DNM3: variants seen among roughly 807,000 people sequenced by gnomAD.
DNM3 encodes the protein dynamin-3.
Under a neutral mutation model 101.6 loss-of-function variants are expected in DNM3, and 47 were observed. The observed-to-expected ratio is 0.46, with a 90% CI of 0.37 to 0.59. DNM3 has a LOEUF of 0.59. Among genes scored for constraint, DNM3 ranks in the 20% least tolerant of loss-of-function variants. The pLI, the probability that DNM3 is intolerant of heterozygous loss-of-function variation, is 0.00. For synonymous variants in DNM3, 385 were observed against 387.9 expected (o/e 0.99, Z 0.09); for missense variants, 849 against 1,085.7 (o/e 0.78, Z 3.06).
At chr1:172,362,227 T>C (rs1243873919) in intron 17 of DNM3, among the ~76,000 whole-genome samples, 1 of 151,960 alleles carries the variant, frequency 6.6e-6, no homozygotes, top group Non-Finnish European at 1.5e-5. Context: ...GAAGACCTAT[T>C]AGAAAGCAAT....
At chr1:171,894,682 C>T (rs2037611696) in intron 1 of DNM3, among the ~76,000 whole-genome samples, 1 of 152,136 alleles carries the variant, frequency 6.6e-6, no homozygotes, top group African/African-American at 2.4e-5. Flanking sequence ...GTTTGTTGCA[C>T]CCATCAACTC....
intron 15 of DNM3, among the ~76,000 whole-genome samples, chr1:172,270,302 A>G (rs766745030): frequency 7.2e-5 from 11 of 151,960 alleles, no homozygotes; most frequent in East Asian, 1.9e-4. Context: ...ACTTGTAACT[A>G]TAATGCTAAA....
intron 15 of DNM3, among the ~76,000 whole-genome samples, chr1:172,298,876 AAAGAC>A (rs2064295537): frequency 1.4e-5 from 2 of 144,778 alleles, no homozygotes; most frequent in Non-Finnish European, 3.1e-5. Flanking sequence ...AGAGAGAGAG[AAAGAC>A]AGAGAAAGAA....
intron 11 of DNM3, among the ~76,000 whole-genome samples, chr1:172,077,826 C>T (rs967764137): frequency 1.3e-5 from 2 of 152,128 alleles, no homozygotes; most frequent in South Asian, 4.1e-4. Flanking sequence ...CTGCTTGGTG[C>T]AGAGCTGAGT....
intron 14 of DNM3, among the ~76,000 whole-genome samples, chr1:172,183,963 A>G (rs1278777832): frequency 1.3e-5 from 2 of 150,944 alleles, no homozygotes; most frequent in Non-Finnish European, 3.0e-5. Context: ...TTAATATTCT[A>G]GTACTCAAAA....
At chr1:172,366,407 A>G (rs1341309318) in intron 17 of DNM3, 2 of 151,796 alleles carry the variant, frequency 1.3e-5, no homozygotes, top group Admixed American at 1.3e-4. Flanking sequence ...TTATTAGCAA[A>G]TTTATCTGAT....
intron 14 of DNM3, among the ~76,000 whole-genome samples, chr1:172,207,943 A>G (rs561041468): frequency 6.6e-6 from 1 of 152,202 alleles, no homozygotes; most frequent in Admixed American, 6.6e-5. Context: ...TTTAAGTGTA[A>G]TATTTCTTTT....
intron 4 of DNM3, among the ~76,000 whole-genome samples, chr1:172,009,144 ATAT>A (rs2046947670): frequency 7.2e-6 from 1 of 138,536 alleles, no homozygotes; most frequent in African/African-American, 2.7e-5. Flanking sequence ...TATATTATAT[ATAT>A]TATATGATAT....
chr1:172,193,129 G>A (rs1053290239), intron 14 of DNM3, among the ~76,000 whole-genome samples: 6 of 152,002 alleles, frequency 3.9e-5, no homozygotes, highest in African/African-American at 1.4e-4. Context: ...GATGGCCAGT[G>A]ATGATGAGCA....
chr1:172,330,981 C>T (rs2066157084), intron 17 of DNM3, among the ~76,000 whole-genome samples: 1 of 152,036 alleles, frequency 6.6e-6, no homozygotes, highest in South Asian at 2.1e-4. Flanking sequence ...ACCTCTTTTC[C>T]GTTTACTCTG....
At chr1:172,335,521 TAGAA>T (rs1026373331) in intron 17 of DNM3, among the ~76,000 whole-genome samples, 1 of 152,104 alleles carries the variant, frequency 6.6e-6, no homozygotes, top group Non-Finnish European at 1.5e-5. Context: ...TATTCACAAA[TAGAA>T]AGAAGATATG....
intron 20 of DNM3, among the ~76,000 whole-genome samples, chr1:172,402,897 A>T (rs1345039236): frequency 2.0e-5 from 3 of 152,218 alleles, no homozygotes; most frequent in Non-Finnish European, 4.4e-5. Context: ...AAGTAAATTG[A>T]ATTGCTAATA....
rs954117133 is a variant in DNM3 at position 172,036,490 on chromosome 1, G to T, written c.850-1829G>T. On this transcript the variant is annotated intron_variant, in intron 6 of 20. Coordinates refer to ENST00000627582, the MANE Select transcript of DNM3 (RefSeq NM_015569.5). Reference sequence around the variant, plus strand: ...GAACAGAGCCCTCAGAAATAACGCCGCATATCTACAACTGTCTGATCTTTG... The same window carrying T: ...GAACAGAGCCCTCAGAAATAACGCCTCATATCTACAACTGTCTGATCTTTG... 5.9e-5 allele frequency among the ~76,000 whole-genome samples: 9 copies of T among 151,926 alleles called. No homozygotes were observed. The East Asian group carries it at 1.7e-3, about 30-fold the overall frequency.
At chr1:172,005,547 G>A (rs930957595) in intron 4 of DNM3, among the ~76,000 whole-genome samples, 5 of 151,936 alleles carry the variant, frequency 3.3e-5, no homozygotes, top group African/African-American at 1.2e-4. Context: ...CTTGCACATT[G>A]ATGGGTTATA....
Position 172,149,465 on chromosome 1 carries a change from G to A in DNM3, c.1659+18177G>A, listed in dbSNP as rs149802276. Among the ~76,000 whole-genome samples the A allele has an allele frequency of 9.1e-3, 1,393 of 152,266 alleles. 27 individuals are homozygous for A. Among genetic ancestry groups the A allele is most frequent in the African/African-American group, 0.03 (1,261 of 41,566 alleles). ...TCTTGAAATCTTTAGGGGAAGGCAA[G>A]TTAAAGGGATTAGAAAATTGTTGCT... On this transcript the variant is annotated intron_variant, in intron 14 of 20. Transcript: ENST00000627582.
Position 171,902,560 on chromosome 1 carries a change from G to A in DNM3, c.162-19188G>A, listed in dbSNP as rs149219059. Among the ~76,000 whole-genome samples the A allele has an allele frequency of 1.9e-3, 287 of 152,264 alleles. 1 individual carries two copies. Among genetic ancestry groups the A allele is most frequent in the Admixed American group, 3.1e-3 (47 of 15,302 alleles). ...TGACTCTACAGAAATGTGTTGAGGA[G>A]TGATAATCTTTGCCAAAAGGAGGGA... On this transcript the variant is annotated intron_variant, in intron 1 of 20. Coordinates refer to ENST00000627582, the MANE Select transcript of DNM3 (RefSeq NM_015569.5).
At chr1:172,073,669 G>A (rs570149060) in intron 11 of DNM3, among the ~76,000 whole-genome samples, 75 of 152,238 alleles carry the variant, frequency 4.9e-4, no homozygotes, top group African/African-American at 1.7e-3. Flanking sequence ...TTCAATGAAG[G>A]GAGGCAGCAA....
intron 14 of DNM3, among the ~76,000 whole-genome samples, chr1:172,171,582 G>A (rs895439527): frequency 1.3e-5 from 2 of 151,708 alleles, no homozygotes; most frequent in Non-Finnish European, 3.0e-5. Flanking sequence ...AAAACAGTTA[G>A]GTAGAGTAGC....
At chr1:172,166,147 G>A (rs2058735835) in intron 14 of DNM3, among the ~76,000 whole-genome samples, 2 of 151,976 alleles carry the variant, frequency 1.3e-5, no homozygotes, top group South Asian at 4.1e-4. Flanking sequence ...CTTAAGAAGA[G>A]ACACTTGGTC....
Sources: allele counts gnomAD v4.1 joint callset (sites outside exome capture counted in the v4.1 genomes callset), GRCh38; gene constraint gnomAD v4.1.1; transcripts MANE v1.5; gene names NCBI Gene and HGNC (gene_info 2026-07-23, HGNC 2026-07-21).